EPHA3: variants seen among roughly 807,000 people sequenced by gnomAD.
EPHA3 encodes the protein EPH receptor A3.
A neutral mutation model predicts 107.1 loss-of-function variants in EPHA3; 42 were observed. The ratio of observed to expected loss-of-function variants is 0.39; its 90% CI spans 0.31 to 0.51. The LOEUF (loss-of-function observed/expected upper bound fraction) is 0.51. EPHA3 is among the 20% of genes least tolerant of loss of function. The probability of loss-of-function intolerance (pLI) is 0.78; values close to 1 mark genes in which losing one functional copy is unlikely to be tolerated. For synonymous variants in EPHA3, 461 were observed against 424.8 expected (o/e 1.09, Z -1.05); for missense variants, 1,183 against 1,211.2 (o/e 0.98, Z 0.35).
At chr3:89,177,377 A>G (rs969610688) in intron 2 of EPHA3, among the ~76,000 whole-genome samples, 5 of 152,068 alleles carry the variant, frequency 3.3e-5, no homozygotes, top group Admixed American at 2.0e-4. Context: ...GAGGCCTTGG[A>G]TTACCTGTCC....
intron 2 of EPHA3, among the ~76,000 whole-genome samples, chr3:89,152,567 C>T (rs1399029990): frequency 6.6e-6 from 1 of 152,024 alleles, no homozygotes; most frequent in African/African-American, 2.4e-5. Context: ...TTTTAAAATG[C>T]TGGAATTCAC....
At chr3:89,362,839 C>T (rs1260187561) in intron 5 of EPHA3, among the ~76,000 whole-genome samples, 2 of 150,900 alleles carry the variant, frequency 1.3e-5, no homozygotes, top group Admixed American at 1.3e-4. Flanking sequence ...TACTTCTTCC[C>T]AGTTAAAAGA....
rs77249961 is a variant in EPHA3 at position 89,297,035 on chromosome 3, C to T, written c.815-43881C>T. 2.8e-3 allele frequency among the ~76,000 whole-genome samples: 420 copies of T among 152,308 alleles called. 22 individuals carry two copies. The East Asian group carries it at 0.076, about 28-fold the overall frequency. On this transcript the variant is annotated intron_variant, in intron 3 of 16. Coordinates refer to ENST00000336596, the MANE Select transcript of EPHA3 (RefSeq NM_005233.6). ...CATAGAATTGAAGAATGTTAGGACACTGCTCAGGATTGGGCTTTGGCTAAA... is the reference window on the plus strand; with the variant it reads ...CATAGAATTGAAGAATGTTAGGACATTGCTCAGGATTGGGCTTTGGCTAAA...
At chr3:89,245,899 G>C (rs553125891) in intron 3 of EPHA3, among the ~76,000 whole-genome samples, 3 of 152,130 alleles carry the variant, frequency 2.0e-5, no homozygotes, top group Non-Finnish European at 4.4e-5. Flanking sequence ...GGATAATAAG[G>C]TTACGTAAAG....
At chr3:89,432,775 GATTA>G (rs1298525276) in intron 13 of EPHA3, among the ~76,000 whole-genome samples, 1 of 151,718 alleles carries the variant, frequency 6.6e-6, no homozygotes, top group Non-Finnish European at 1.5e-5. Context: ...ACAAAAATGG[GATTA>G]TACTTTATAT....
At chr3:89,429,916 A>G (rs574496504) in intron 12 of EPHA3, among the ~76,000 whole-genome samples, 2 of 151,998 alleles carry the variant, frequency 1.3e-5, no homozygotes, top group East Asian at 1.9e-4. Flanking sequence ...GGCGCCCACC[A>G]TCATGCCTGG....
intron 5 of EPHA3, among the ~76,000 whole-genome samples, chr3:89,346,709 T>G (rs1205295521): frequency 1.3e-5 from 2 of 150,730 alleles, no homozygotes; most frequent in African/African-American, 4.8e-5. Context: ...ATGTCCTGAA[T>G]GGTATTGCCT....
At chr3:89,400,444 G>A (rs1708938000) in intron 7 of EPHA3, 2 of 152,284 alleles carry the variant, frequency 1.3e-5, no homozygotes, top group African/African-American at 2.4e-5. Flanking sequence ...CACCTTGTTA[G>A]CCAGGATGGT....
rs577382779 is a variant in EPHA3 at position 89,350,670 on chromosome 3, T to C, written c.1306+8580T>C. Among the ~76,000 whole-genome samples, 125 of 151,344 alleles carry C rather than the reference T, an allele frequency of 8.3e-4. 4 individuals carry two copies. Among genetic ancestry groups the C allele is most frequent in the Admixed American group, 2.6e-3 (39 of 15,122 alleles). On this transcript the variant is annotated intron_variant, in intron 5 of 16. Transcript: ENST00000336596. ...TTCCATTGCTGGTGAGGAACTGCGT[T>C]CCTTTGGAGGAGGAGAGGCGCTCTG...
chr3:89,342,858 T>TACACACACACACAC (rs144807058), intron 5 of EPHA3, among the ~76,000 whole-genome samples: 3 of 139,218 alleles, frequency 2.2e-5, no homozygotes, highest in Admixed American at 7.3e-5. Context: ...TTTTTACACA[T>TACACACACACACAC]ACACACACAC....
intron 5 of EPHA3, among the ~76,000 whole-genome samples, chr3:89,375,385 G>C (rs1335476792): frequency 6.6e-6 from 1 of 151,622 alleles, no homozygotes; most frequent in Non-Finnish European, 1.5e-5. Context: ...ACACAGGCAG[G>C]GGAGCATAAA....
At chr3:89,406,326 A>T (rs116821382) in intron 7 of EPHA3, among the ~76,000 whole-genome samples, 2,624 of 152,252 alleles carry the variant, frequency 0.017, 29 homozygotes, top group Non-Finnish European at 0.027. Flanking sequence ...TGAATCTGAA[A>T]CTGCTTTTCC....
At chr3:89,170,524 T>A (rs1705186685) in intron 2 of EPHA3, among the ~76,000 whole-genome samples, 1 of 152,184 alleles carries the variant, frequency 6.6e-6, no homozygotes, top group African/African-American at 2.4e-5. Flanking sequence ...ACAACTTGGC[T>A]ATAAAGTGTA....
At chr3:89,111,517 C>CCCA (rs930445180) in intron 1 of EPHA3, among the ~76,000 whole-genome samples, 1 of 138,680 alleles carries the variant, frequency 7.2e-6, no homozygotes, top group East Asian at 2.4e-4. Context: ...ATCCCCCCCC[C>CCCA]ACCCCGCCTC....
intron 1 of EPHA3, among the ~76,000 whole-genome samples, chr3:89,108,727 AATAC>A (rs1707030744): frequency 6.6e-6 from 1 of 152,194 alleles, no homozygotes; most frequent in Non-Finnish European, 1.5e-5. Context: ...TTGTGTACTT[AATAC>A]ATACATTTTC....
At chr3:89,225,217 C>T (rs77528744) in intron 3 of EPHA3, among the ~76,000 whole-genome samples, 8 of 152,094 alleles carry the variant, frequency 5.3e-5, no homozygotes, top group Middle Eastern at 3.4e-3. Context: ...GCTACTGCTT[C>T]GATGCCTGTA....
chr3:89,109,220 A>C (rs1412118538), intron 1 of EPHA3, among the ~76,000 whole-genome samples: 1 of 152,086 alleles, frequency 6.6e-6, no homozygotes, highest in Non-Finnish European at 1.5e-5. Context: ...GATCAAGAAA[A>C]TTATCTTACC....
In EPHA3 at chr3:89,399,414, C is replaced by T. The variant is rs1184230536; in HGVS notation, c.1528C>T (p.Arg510Ter). The T allele has an allele frequency of 1.2e-6, 2 of 1,614,012 alleles. No individual in the cohort carries two copies. The highest frequency in any genetic ancestry group is 2.2e-5 in the East Asian group (1 of 44,856). Reference protein sequence around the residue: ...KPDTIYVFQIRARTAAGYGTN... With the variant: ...KPDTIYVFQI ...TGACACTATATACGTATTCCAAATC[C>T]GAGCCCGAACAGCCGCTGGATATGG... The change falls in exon 7 of 17, where the codon CGA (arginine) becomes TGA (stop). Residue 510 changes from arginine (R) to a stop codon, truncating the protein, a stop_gained. Coordinates refer to ENST00000336596, the MANE Select transcript of EPHA3 (RefSeq NM_005233.6). LOFTEE classifies it high-confidence loss of function.
intron 5 of EPHA3, among the ~76,000 whole-genome samples, chr3:89,374,635 T>C (rs1708367995): frequency 6.6e-6 from 1 of 151,758 alleles, no homozygotes; most frequent in Non-Finnish European, 1.5e-5. Context: ...CTCTGTTCTC[T>C]GTATTTCACT....
Sources: allele counts gnomAD v4.1 joint callset (sites outside exome capture counted in the v4.1 genomes callset), GRCh38; gene constraint gnomAD v4.1.1; transcripts MANE v1.5; gene names NCBI Gene and HGNC (gene_info 2026-07-23, HGNC 2026-07-21).